The following PRR12 variants were observed in gnomAD, a reference collection of about 807,000 sequenced individuals.
PRR12 encodes proline rich 12.
PRR12 carries 12 observed loss-of-function variants against 138.0 expected under a neutral mutation model. The ratio of observed to expected loss-of-function variants is 0.09; its 90% CI spans 0.06 to 0.14. The LOEUF (loss-of-function observed/expected upper bound fraction) is 0.14. Ranked by LOEUF, PRR12 falls within the 10% of genes least tolerant of loss-of-function variation. The pLI is 1.00. For synonymous variants in PRR12, 1,567 were observed against 1,291.7 expected, an observed-to-expected ratio of 1.21 and a Z score of -4.57; for missense variants, 2,692 against 2,861.3, an observed-to-expected ratio of 0.94 and a Z score of 1.35.
Position 49,597,700 on chromosome 19 carries a change from C to A in PRR12, c.3365C>A (p.Pro1122His). ...ATCCGCCTCAACCCCCGGCGCTTGC[C>A]TGACCTGGTCTCCAGCTGCCGCTCC... ...ADIRLNPRRL[P>H]DLVSSCRSRP... Residue 1122 changes from proline (P) to histidine (H), a missense_variant, in exon 4 of 14, where the codon CCT (proline) becomes CAT (histidine). Transcript: ENST00000418929. The surrounding 1 kb of genome is among the most constrained non-coding windows in gnomAD (Gnocchi z 6.3). The A allele has an allele frequency of 6.2e-7, 1 of 1,606,586 alleles. No homozygotes were observed. The highest frequency in any genetic ancestry group is 8.5e-7 in the Non-Finnish European group (1 of 1,177,714).
Position 49,595,384 on chromosome 19 carries a change from G to T in PRR12, c.1049G>T (p.Gly350Val). 6.5e-7 allele frequency: 1 copy of T among 1,541,618 alleles called. No individual in the cohort carries two copies. The highest frequency in any genetic ancestry group is 2.0e-5 in the Admixed American group (1 of 50,574). Residue 350 changes from glycine (G) to valine (V), a missense_variant, in exon 4 of 14, where the codon GGT (glycine) becomes GTT (valine). Gly to Val is a moderately radical substitution (Grantham distance 109, BLOSUM62 -3). Coordinates refer to ENST00000418929, the MANE Select transcript of PRR12 (RefSeq NM_020719.3). ...SPGAGEPSKA[G>V]PSGATAGASG... Reference sequence around the variant, plus strand: ...GGTGCTGGGGAGCCTAGCAAGGCTGGTCCCAGCGGAGCCACGGCTGGGGCA... The same window carrying T: ...GGTGCTGGGGAGCCTAGCAAGGCTGTTCCCAGCGGAGCCACGGCTGGGGCA...
intron 8 of PRR12, 130 bp downstream of exon 8, chr19:49,615,139 G>C: frequency 2.2e-6 from 3 of 1,349,490 alleles, no homozygotes; most frequent in Non-Finnish European, 2.0e-6. Flanking sequence ...CAGAGAGAGA[G>C]GGGGACAGAG....
chr19:49,611,467 C>T (rs1156267580), intron 6 of PRR12, among the ~76,000 whole-genome samples: 8 of 151,450 alleles, frequency 5.3e-5, no homozygotes, highest in Non-Finnish European at 1.2e-4. Context: ...TAAAACCCTG[C>T]CTCTACTAAA....
At chr19:49,623,384 AG>A (rs1188782784) in intron 11 of PRR12, among the ~76,000 whole-genome samples, 2 of 151,910 alleles carry the variant, frequency 1.3e-5, no homozygotes, top group African/African-American at 4.8e-5. Flanking sequence ...CCAGCACTCT[AG>A]GAGGCTAAGG....
At position 49,593,428 on chromosome 19, in the gene PRR12, AC is replaced by A; in HGVS notation, c.190del (p.His64ThrfsTer26). The part of the protein sequence containing the change: ...PHPLQSYATN[H>X]HPAGLSGLFD... ...CCACTGCAAAGCTATGCCACCAACCACCACCCGGCAGGTACGGCCCCCATCC... is the reference window on the plus strand; with the variant it reads ...CCACTGCAAAGCTATGCCACCAACCACACCCGGCAGGTACGGCCCCCATCC... On this transcript the variant is annotated frameshift_variant, in exon 2 of 14. Transcript: ENST00000418929. LOFTEE classifies it high-confidence loss of function. 6.4e-7 allele frequency: 1 copy of A among 1,551,356 alleles called. No individual in the cohort carries two copies. The highest frequency in any genetic ancestry group is 8.7e-7 in the Non-Finnish European group (1 of 1,143,702).
chr19:49,597,771 A>C lies in PRR12; in HGVS notation c.3436A>C (p.Asn1146His), dbSNP rs764214628. Residue 1146 changes from asparagine to histidine, a missense_variant, in exon 4 of 14, where the codon AAC becomes CAC. This residue lies in a region of PRR12 where 326 missense variants were observed against 344.2 expected (regional missense o/e 0.95). Transcript: ENST00000418929. This position sits in a 1 kb window ranked among gnomAD's most constrained non-coding sequence, Gnocchi z 6.3. ...PLGDIDFCPP[N>H]PGPDGPRRRG... ...GGGGGACATCGACTTCTGCCCACCC[A>C]ACCCAGGACCCGATGGCCCCCGGCG... is the stretch of plus-strand genomic sequence containing the variant. The C allele has an allele frequency of 3.1e-6, 5 of 1,600,310 alleles. No homozygotes were observed. The South Asian group carries it at 5.6e-5, about 18-fold the overall frequency.
In PRR12 at chr19:49,591,650, A is replaced by G; in HGVS notation, c.-5A>G. 1.0e-6 allele frequency: 1 copy of G among 980,766 alleles called. No individual in the cohort carries two copies. Among genetic ancestry groups the G allele is most frequent in the Non-Finnish European group, 1.3e-6 (1 of 758,130 alleles). The allele number at this position is 980,766 out of a possible 1,614,324, so 60.8% of individuals were successfully genotyped here. On this transcript the variant is annotated 5_prime_UTR_variant, in exon 1 of 14. Transcript: ENST00000418929. ...CCTCCCCCCAATTTCCACCGCGGCC[A>G]ATTCATGGACAGGAACTACCCCAGC...
Position 49,596,363 on chromosome 19 carries a change from G to C in PRR12, c.2028G>C (p.Gly676=). ...CAGATGCCTCTAAGGGACTTGGGGGGAGTGGCGGGGCCGGGGGACCACCGG... is the reference window on the plus strand; with the variant it reads ...CAGATGCCTCTAAGGGACTTGGGGGCAGTGGCGGGGCCGGGGGACCACCGG... ...GAADASKGLG[G]SGGAGGPPGT... is the part of the protein sequence containing the mutation. Residue 676 remains glycine, a synonymous_variant, in exon 4 of 14, where the codon GGG becomes GGC. Coordinates refer to ENST00000418929, the MANE Select transcript of PRR12 (RefSeq NM_020719.3). The surrounding 1 kb of genome is among the most constrained non-coding windows in gnomAD (Gnocchi z 5.6). 1 of 1,599,862 alleles carries C rather than the reference G, an allele frequency of 6.3e-7. No homozygotes were observed. Among genetic ancestry groups the C allele is most frequent in the Non-Finnish European group, 8.5e-7 (1 of 1,176,356 alleles).
intron 9 of PRR12, among the ~76,000 whole-genome samples, chr19:49,618,267 C>G (rs1041046502): frequency 2.0e-5 from 3 of 152,070 alleles, no homozygotes; most frequent in Admixed American, 6.6e-5. Flanking sequence ...CAGACCTTCC[C>G]CAACACCCCC....
intron 6 of PRR12, among the ~76,000 whole-genome samples, chr19:49,611,940 A>G (rs2080868708): frequency 7.0e-6 from 1 of 142,200 alleles, no homozygotes. Context: ...AAAAAAAAAA[A>G]AAAAAAAACA....
intron 11 of PRR12, among the ~76,000 whole-genome samples, chr19:49,622,744 T>C (rs1271025474): frequency 6.7e-6 from 1 of 150,074 alleles, no homozygotes; most frequent in East Asian, 2.0e-4. Context: ...ACAAAAAAAT[T>C]AGCTGGGCGT....
rs1022449124 is a variant in PRR12 at position 49,614,398 on chromosome 19, G to A, written c.4774-135G>A. The stretch of plus-strand genomic sequence containing the variant: ...CAGAGCTGAACACATCATGGGGGTA[G>A]AAGATATTTGTTGTTGACGTGTCTG... On this transcript the variant is annotated intron_variant, in intron 6 of 13. Transcript: ENST00000418929. The surrounding 1 kb of genome is among the most constrained non-coding windows in gnomAD (Gnocchi z 5.0). The A allele has an allele frequency of 1.1e-5, 7 of 618,056 alleles. No individual in the cohort carries two copies. Among genetic ancestry groups the A allele is most frequent in the South Asian group, 4.0e-5 (2 of 49,818 alleles). The allele number at this position is 618,056 out of a possible 1,614,324, so 38.3% of individuals were successfully genotyped here. A position where few individuals can be genotyped will look rare whatever the true frequency, so the allele number is the denominator to read the frequency against.
chr19:49,618,931 C>T, intron 9 of PRR12, among the ~76,000 whole-genome samples: 1 of 152,016 alleles, frequency 6.6e-6, no homozygotes, highest in East Asian at 1.9e-4. Flanking sequence ...CCCTTCCCTG[C>T]TCTCAGCTCT....
intron 6 of PRR12, among the ~76,000 whole-genome samples, chr19:49,606,728 C>A (rs1024524744): frequency 1.3e-5 from 2 of 149,522 alleles, no homozygotes; most frequent in Non-Finnish European, 3.0e-5. Context: ...CTCACTGCAA[C>A]CTCCACCTCC....
At chr19:49,591,789 C>CAGCCG in intron 1 of PRR12, 49 bp downstream of exon 1, 5 of 1,225,994 alleles carry the variant, frequency 4.1e-6, no homozygotes, top group Non-Finnish European at 5.3e-6. Flanking sequence ...GGTGGGAGCC[C>CAGCCG]AGCCGGGCCG....
At position 49,616,018 on chromosome 19, in the gene PRR12, C is replaced by T. The variant is rs1317297366; in HGVS notation, c.5296C>T (p.Arg1766Trp). 5 of 1,553,612 alleles carry T rather than the reference C, an allele frequency of 3.2e-6. No homozygotes were observed. The highest frequency in any genetic ancestry group is 1.2e-5 in the South Asian group (1 of 84,234). The change falls in exon 9 of 14, where the codon CGG becomes TGG. Residue 1766 changes from arginine to tryptophan, a missense_variant. This residue lies in a region of PRR12 where 259 missense variants were observed against 265.1 expected (regional missense o/e 0.98). Transcript: ENST00000418929. The surrounding 1 kb of genome is among the most constrained non-coding windows in gnomAD (Gnocchi z 4.2). ...GCGGGCCACCAGCGGACGGCAGACACGGCCAGAGCGGAGTCTCGCCACGGG... is the reference window on the plus strand; with the variant it reads ...GCGGGCCACCAGCGGACGGCAGACATGGCCAGAGCGGAGTCTCGCCACGGG... The part of the protein sequence containing the change: ...GERATSGRQT[R>W]PERSLATGQP...
chr19:49,617,445 T>C (rs2080898694), intron 9 of PRR12, among the ~76,000 whole-genome samples: 1 of 151,988 alleles, frequency 6.6e-6, no homozygotes, highest in South Asian at 2.1e-4. Flanking sequence ...CTGGGCAACA[T>C]AGTGAGACCC....
intron 6 of PRR12, among the ~76,000 whole-genome samples, chr19:49,602,377 G>T (rs1325288637): frequency 6.6e-6 from 1 of 152,168 alleles, no homozygotes; most frequent in Non-Finnish European, 1.5e-5. Context: ...ACTACCTGCA[G>T]ATACACACTT....
intron 9 of PRR12, among the ~76,000 whole-genome samples, chr19:49,618,658 G>A (rs2080904882): frequency 6.6e-6 from 1 of 152,034 alleles, no homozygotes; most frequent in South Asian, 2.1e-4. Flanking sequence ...CAAAGTGCTG[G>A]GATCACAGGC....
Sources: allele counts gnomAD v4.1 joint callset (sites outside exome capture counted in the v4.1 genomes callset), GRCh38; gene constraint gnomAD v4.1.1; regional missense constraint gnomAD v4.1.1; non-coding constraint Gnocchi (gnomAD v3.1); transcripts MANE v1.5; gene names NCBI Gene and HGNC (gene_info 2026-07-23, HGNC 2026-07-21).